Variants in RALGPS1 observed in about 807,000 individuals in gnomAD.
RALGPS1 encodes ras-specific guanine nucleotide-releasing factor RalGPS1.
RALGPS1 carries 19 observed loss-of-function variants against 78.8 expected under a neutral mutation model. That is an observed-to-expected ratio of 0.24 (90% CI 0.17 to 0.35). The LOEUF (loss-of-function observed/expected upper bound fraction) is 0.35. Among genes scored for constraint, RALGPS1 ranks in the 10% least tolerant of loss-of-function variants. RALGPS1 has a pLI of 1.00. For missense variants in RALGPS1, 454 were observed against 688.3 expected, an observed-to-expected ratio of 0.66 and a Z score of 3.81; for synonymous variants, 228 against 256.3, an observed-to-expected ratio of 0.89 and a Z score of 1.06.
intron 4 of RALGPS1, among the ~76,000 whole-genome samples, chr9:126,984,326 C>T (rs1184654713): frequency 6.6e-6 from 1 of 152,156 alleles, no homozygotes; most frequent in Non-Finnish European, 1.5e-5. Flanking sequence ...TGGTCTTGGA[C>T]TCCTGGCCTC....
intron 8 of RALGPS1, among the ~76,000 whole-genome samples, chr9:127,146,340 G>T (rs1000144793): frequency 6.6e-6 from 1 of 152,048 alleles, no homozygotes; most frequent in Non-Finnish European, 1.5e-5. Flanking sequence ...TTTCTTTCCT[G>T]TGTTAATTTG....
At position 127,105,097 on chromosome 9, in the gene RALGPS1, C is replaced by T. The variant is rs1389417635; in HGVS notation, c.610+35741C>T. ...TCCTGGGCTCTGTCTACCCATTCAT[C>T]TTCCACAGCTAGGCACTCAATCCCA... On this transcript the variant is annotated intron_variant, in intron 8 of 18. Transcript: ENST00000259351. Among the ~76,000 whole-genome samples, 4 of 152,210 alleles carry T rather than the reference C, an allele frequency of 2.6e-5. No individual in the cohort carries two copies. The East Asian group carries it at 7.7e-4, about 29-fold the overall frequency.
At chr9:127,011,421 C>T (rs996102530) in intron 4 of RALGPS1, among the ~76,000 whole-genome samples, 60 of 152,086 alleles carry the variant, frequency 3.9e-4, no homozygotes, top group South Asian at 2.1e-4. Context: ...TCAGGTGATC[C>T]GCCGCCTTGG....
intron 8 of RALGPS1, among the ~76,000 whole-genome samples, chr9:127,113,866 C>G (rs996823055): frequency 1.3e-5 from 2 of 152,188 alleles, no homozygotes; most frequent in African/African-American, 4.8e-5. Flanking sequence ...ATCATGTGTC[C>G]GCATCCCTCT....
chr9:127,175,196 G>C (rs2059791000), intron 11 of RALGPS1, among the ~76,000 whole-genome samples: 1 of 152,228 alleles, frequency 6.6e-6, no homozygotes, highest in Non-Finnish European at 1.5e-5. Context: ...GCCACCAGAT[G>C]CAGGTGGCTC....
chr9:126,997,523 TACAA>T (rs2042886498), intron 4 of RALGPS1, among the ~76,000 whole-genome samples: 1 of 152,060 alleles, frequency 6.6e-6, no homozygotes, highest in East Asian at 1.9e-4. Flanking sequence ...TAAAAGAGGA[TACAA>T]ACAAATGAAA....
At chr9:127,025,962 C>G (rs1432681345) in intron 4 of RALGPS1, among the ~76,000 whole-genome samples, 1 of 152,084 alleles carries the variant, frequency 6.6e-6, no homozygotes, top group African/African-American at 2.4e-5. Flanking sequence ...CCTCTGCCTC[C>G]CAAAGTGCTG....
intron 8 of RALGPS1, among the ~76,000 whole-genome samples, chr9:127,127,010 A>G (rs2056663785): frequency 1.3e-5 from 2 of 152,222 alleles, no homozygotes; most frequent in African/African-American, 2.4e-5. Flanking sequence ...AGGCAGTTAA[A>G]TTACTTTGCC....
chr9:127,040,058 T>G (rs2047160445), intron 5 of RALGPS1, among the ~76,000 whole-genome samples: 2 of 152,280 alleles, frequency 1.3e-5, no homozygotes, highest in South Asian at 4.1e-4. Context: ...GCAAAGCAGA[T>G]TTTTTGGAAG....
intron 13 of RALGPS1, among the ~76,000 whole-genome samples, chr9:127,198,741 G>A (rs2061466572): frequency 6.6e-6 from 1 of 152,158 alleles, no homozygotes; most frequent in Admixed American, 6.5e-5. Context: ...AAAGCCTGAG[G>A]ACCCAGACCC....
At chr9:127,180,015 G>A (rs2060118302) in intron 11 of RALGPS1, among the ~76,000 whole-genome samples, 3 of 152,136 alleles carry the variant, frequency 2.0e-5, no homozygotes, top group Non-Finnish European at 2.9e-5. Flanking sequence ...CAACAAATAG[G>A]CTGTGAGAAA....
intron 14 of RALGPS1, among the ~76,000 whole-genome samples, chr9:127,201,420 C>A (rs577956313): frequency 6.6e-6 from 1 of 152,212 alleles, no homozygotes; most frequent in South Asian, 2.1e-4. Context: ...ACCCAGGCCC[C>A]GTGCAGTCCT....
chr9:126,937,547 G>A (rs1249330698), intron 1 of RALGPS1, among the ~76,000 whole-genome samples: 1 of 152,186 alleles, frequency 6.6e-6, no homozygotes, highest in South Asian at 2.1e-4. Flanking sequence ...GCAGTCTAGG[G>A]TTGGTATAGT....
intron 8 of RALGPS1, among the ~76,000 whole-genome samples, chr9:127,118,263 T>C (rs978067100): frequency 1.3e-5 from 2 of 152,182 alleles, no homozygotes; most frequent in Non-Finnish European, 2.9e-5. Context: ...CCCCCAACAC[T>C]GTTATGAACT....
At position 127,212,721 on chromosome 9, in the gene RALGPS1, T is replaced by C; in HGVS notation, c.1446+2T>C. Reference sequence around the variant, plus strand: ...TTGCGGGGCACAGACAGAAAACACGTAAGTCCCTTGAAAGGACTCTAGTGC... The same window carrying C: ...TTGCGGGGCACAGACAGAAAACACGCAAGTCCCTTGAAAGGACTCTAGTGC... On this transcript the variant is annotated splice_donor_variant, in intron 16 of 18. Coordinates refer to ENST00000259351, the MANE Select transcript of RALGPS1 (RefSeq NM_014636.3). LOFTEE classifies it high-confidence loss of function. The surrounding 1 kb of genome is among the most constrained non-coding windows in gnomAD (Gnocchi z 6.0). The C allele has an allele frequency of 6.2e-7, 1 of 1,607,554 alleles. No individual in the cohort carries two copies. The highest frequency in any genetic ancestry group is 8.5e-7 in the Non-Finnish European group (1 of 1,174,378).
At position 127,218,612 on chromosome 9, in the gene RALGPS1, C is replaced by A; in HGVS notation, c.1645-128C>A. On this transcript the variant is annotated intron_variant, in intron 18 of 18. Coordinates refer to ENST00000259351, the MANE Select transcript of RALGPS1 (RefSeq NM_014636.3). The surrounding 1 kb of genome is among the most constrained non-coding windows in gnomAD (Gnocchi z 4.4). ...GGGGTGGCTATTGTTATTGCCATAC[C>A]CTCTCCCTACCCAACCTGCTCATTC... 1.0e-6 allele frequency: 1 copy of A among 962,336 alleles called. No individual in the cohort carries two copies. Among genetic ancestry groups the A allele is most frequent in the East Asian group, 2.4e-5 (1 of 41,796 alleles). 59.6% of individuals were successfully genotyped at this position (962,336 alleles called of 1,614,324 possible).
chr9:127,040,741 G>A, intron 5 of RALGPS1, among the ~76,000 whole-genome samples: 1 of 152,128 alleles, frequency 6.6e-6, no homozygotes, highest in Admixed American at 6.5e-5. Flanking sequence ...AGGCAGGATT[G>A]GTGTGGAGGG....
intron 8 of RALGPS1, among the ~76,000 whole-genome samples, chr9:127,095,594 G>A (rs1367197124): frequency 6.6e-6 from 1 of 152,322 alleles, no homozygotes; most frequent in East Asian, 1.9e-4. Flanking sequence ...CGCCCTGCAA[G>A]GGAGGAGCTG....
chr9:127,050,465 T>C (rs903899406), intron 6 of RALGPS1, among the ~76,000 whole-genome samples: 1 of 152,208 alleles, frequency 6.6e-6, no homozygotes, highest in Non-Finnish European at 1.5e-5. Flanking sequence ...ATTCTCCTAC[T>C]TTAGATTTAG....
Sources: gnomAD v4.1 joint callset for allele counts (sites outside exome capture counted in the v4.1 genomes callset) on GRCh38, gnomAD v4.1.1 for gene constraint, Gnocchi (gnomAD v3.1) non-coding constraint, MANE v1.5 for transcripts, NCBI Gene and HGNC (gene_info 2026-07-23, HGNC 2026-07-21) for gene names.